Variants in MYH10 observed in about 807,000 individuals in gnomAD.
MYH10 encodes the protein myosin-10.
In MYH10, 55 loss-of-function variants were observed where a neutral mutation model predicts 257.8. The ratio of observed to expected loss-of-function variants is 0.21; its 90% CI spans 0.17 to 0.27. MYH10 has a LOEUF of 0.27. MYH10 is among the 10% of genes least tolerant of loss of function. MYH10 has a pLI of 1.00. For missense variants in MYH10, 1,631 were observed against 2,500.6 expected (o/e 0.65, Z 7.42); for synonymous variants, 854 against 921.7 (o/e 0.93, Z 1.33).
At chr17:8,590,597 C>T (rs1235102565) in intron 3 of MYH10, among the ~76,000 whole-genome samples, 1 of 152,166 alleles carries the variant, frequency 6.6e-6, no homozygotes, top group Non-Finnish European at 1.5e-5. Context: ...CAGGTGTGAG[C>T]CATGGCACCC....
At position 8,576,595 on chromosome 17, in the gene MYH10, A is replaced by T. The variant is rs899551323; in HGVS notation, c.663+48T>A. 7.2e-6 allele frequency: 11 copies of T among 1,525,886 alleles called. No homozygotes were observed. In the African/African-American group the frequency reaches 1.2e-4, roughly 17 times the overall value. The allele number at this position is 1,525,886 out of a possible 1,614,324, so 94.5% of individuals were successfully genotyped here. ...AGCAGAGACTCAATCTACAGACAGA[A>T]ATTAGTGCAAACACTCAAGACTAAG... On this transcript the variant is annotated intron_variant, in intron 6 of 42. Transcript: ENST00000360416.
At chr17:8,621,690 A>G (rs2085473540) in intron 2 of MYH10, among the ~76,000 whole-genome samples, 1 of 152,136 alleles carries the variant, frequency 6.6e-6, no homozygotes, top group South Asian at 2.1e-4. Context: ...TACCTCATAG[A>G]GAAGAAAATA....
chr17:8,565,562 T>C (rs1043944509), intron 7 of MYH10, among the ~76,000 whole-genome samples: 1 of 152,250 alleles, frequency 6.6e-6, no homozygotes, highest in Non-Finnish European at 1.5e-5. Flanking sequence ...AATTTAAAGA[T>C]ATCTCTGTTT....
chr17:8,521,675 C>G (rs955685657), intron 17 of MYH10, among the ~76,000 whole-genome samples: 1 of 152,156 alleles, frequency 6.6e-6, no homozygotes, highest in South Asian at 2.1e-4. Context: ...GGAAATGGCT[C>G]ATAAAAATAT....
chr17:8,515,067 C>T (rs2081421409), intron 21 of MYH10, among the ~76,000 whole-genome samples: 1 of 152,120 alleles, frequency 6.6e-6, no homozygotes, highest in Non-Finnish European at 1.5e-5. Context: ...GATCATGGCC[C>T]AGGCATTTTT....
At position 8,612,854 on chromosome 17, in the gene MYH10, C is replaced by CAA. The variant is rs540861293; in HGVS notation, c.346-7874_346-7873dup. On this transcript the variant is annotated intron_variant, in intron 2 of 42. Transcript: ENST00000360416. Reference sequence around the variant, plus strand: ...TACAGAGGGAGACTCTGTTCTGTCTCAAAAAAAAAAAAAAATTATCATAGG... The same window carrying CAA: ...TACAGAGGGAGACTCTGTTCTGTCTCAAAAAAAAAAAAAAAAATTATCATAGG... 5.3e-3 allele frequency among the ~76,000 whole-genome samples: 597 copies of CAA among 113,334 alleles called. 1 individual carries two copies. Among genetic ancestry groups the CAA allele is most frequent in the African/African-American group, 0.012 (352 of 30,414 alleles). 74.4% of individuals were successfully genotyped at this position (113,334 alleles called of 152,430 possible).
At chr17:8,566,442 GC>G (rs1414018703) in intron 7 of MYH10, among the ~76,000 whole-genome samples, 1 of 152,098 alleles carries the variant, frequency 6.6e-6, no homozygotes. Context: ...GGAGAAGCTG[GC>G]TGCCATGTCA....
intron 3 of MYH10, among the ~76,000 whole-genome samples, chr17:8,600,885 G>A (rs750913321): frequency 2.6e-5 from 4 of 152,078 alleles, no homozygotes; most frequent in Non-Finnish European, 4.4e-5. Flanking sequence ...GCCAAGTCTC[G>A]GTTAAAGCTT....
At chr17:8,574,932 C>T (rs141397284) in intron 6 of MYH10, among the ~76,000 whole-genome samples, 7 of 152,324 alleles carry the variant, frequency 4.6e-5, no homozygotes, top group African/African-American at 9.6e-5. Context: ...AAGTATTTCA[C>T]GTTCCTCAGT....
At chr17:8,484,339 T>C (rs963779539) in intron 36 of MYH10, 73 bp from the exon 37 acceptor site, 27 of 1,463,968 alleles carry the variant, frequency 1.8e-5, no homozygotes, top group Non-Finnish European at 2.2e-5. Flanking sequence ...TTTTTAGAGA[T>C]GAGCCCTGGC....
chr17:8,505,487 T>G (rs2081046759), intron 27 of MYH10, among the ~76,000 whole-genome samples: 1 of 152,206 alleles, frequency 6.6e-6, no homozygotes, highest in African/African-American at 2.4e-5. Flanking sequence ...TCTTGAAAGA[T>G]TTTGATTGTA....
rs1239143479 is a variant in MYH10 at position 8,475,235 on chromosome 17, C to A, written c.*569G>T. ...ACCCCAAATGGGTGTTGCTTCCGATCCAGCCCACCCCTCCTACTCTTTCCA... is the reference window on the plus strand; with the variant it reads ...ACCCCAAATGGGTGTTGCTTCCGATACAGCCCACCCCTCCTACTCTTTCCA... On this transcript the variant is annotated 3_prime_UTR_variant, in exon 43 of 43. Transcript: ENST00000360416. The A allele has an allele frequency of 6.5e-6, 1 of 153,030 alleles. No individual in the cohort carries two copies. Among genetic ancestry groups the A allele is most frequent in the Non-Finnish European group, 1.5e-5 (1 of 68,648 alleles). The allele number at this position is 153,030 out of a possible 1,614,324, so 9.5% of individuals were successfully genotyped here.
chr17:8,487,443 C>T lies in MYH10; in HGVS notation c.5036G>A (p.Arg1679His), dbSNP rs1915051888. ...KARDEVIKQL[R>H]KLQAQMKDYQ... The stretch of plus-strand genomic sequence containing the variant: ...GGTGAAGGCACATACCTGGAGCTTG[C>T]GGAGCTGCTTAATCACCTCATCCCG... The change falls in exon 36 of 43, where the codon CGC becomes CAC. Residue 1679 changes from arginine to histidine, a missense_variant. By Grantham distance (29) the Arg-to-His change is conservative (BLOSUM62 0). Around this residue, in one of 11 missense-constraint regions of MYH10, gnomAD observed 463 missense variants for 621.8 expected, o/e 0.74. Transcript: ENST00000360416. 1.9e-6 allele frequency: 3 copies of T among 1,614,156 alleles called. No homozygotes were observed. The highest frequency in any genetic ancestry group is 1.3e-5 in the African/African-American group (1 of 75,068).
intron 1 of MYH10, among the ~76,000 whole-genome samples, chr17:8,625,826 C>A (rs2085654101): frequency 6.6e-6 from 1 of 152,182 alleles, no homozygotes; most frequent in South Asian, 2.1e-4. Flanking sequence ...GATGCTGCTG[C>A]CACTGCTGGT....
intron 7 of MYH10, among the ~76,000 whole-genome samples, chr17:8,566,646 G>C (rs145612360): frequency 6.6e-6 from 1 of 152,070 alleles, no homozygotes; most frequent in African/African-American, 2.4e-5. Context: ...GACCTCCTAA[G>C]AGACCCTGGG....
rs1336387130 is a variant in MYH10, at chr17:8,511,071, T to TATATATATAC, written c.2953-1123_2953-1122insGTATATATAT. On this transcript the variant is annotated intron_variant, in intron 24 of 42. Coordinates refer to ENST00000360416, the MANE Select transcript of MYH10 (RefSeq NM_001256012.3). The stretch of plus-strand genomic sequence containing the variant: ...ATATATATATATATACACACATACA[T>TATATATATAC]ACATACACACACACACACTTAATAT... 148 of 81,988 alleles carry TATATATATAC rather than the reference T, an allele frequency of 1.8e-3. 2 individuals carry two copies. The highest frequency in any genetic ancestry group is 3.2e-3 in the South Asian group (8 of 2,512). The allele number at this position is 81,988 out of a possible 1,614,324, so 5.1% of individuals were successfully genotyped here.
intron 2 of MYH10, among the ~76,000 whole-genome samples, chr17:8,606,393 C>T (rs2084808490): frequency 6.6e-6 from 1 of 152,152 alleles, no homozygotes; most frequent in African/African-American, 2.4e-5. Flanking sequence ...CATTATGAAA[C>T]AGATCTTTTA....
intron 5 of MYH10, among the ~76,000 whole-genome samples, chr17:8,576,874 T>C (rs1313729760): frequency 6.6e-6 from 1 of 152,236 alleles, no homozygotes; most frequent in Non-Finnish European, 1.5e-5. Flanking sequence ...TTGCCCTTTT[T>C]CTGTCATCAC....
chr17:8,543,853 C>A (rs1466730476), intron 13 of MYH10, among the ~76,000 whole-genome samples: 1 of 152,166 alleles, frequency 6.6e-6, no homozygotes, highest in Non-Finnish European at 1.5e-5. Flanking sequence ...ATTTTTAAAT[C>A]AATAATGCAT....
Sources: gnomAD v4.1 joint callset for allele counts (sites outside exome capture counted in the v4.1 genomes callset) on GRCh38, gnomAD v4.1.1 for gene constraint, gnomAD v4.1.1 regional missense constraint, MANE v1.5 for transcripts, NCBI Gene and HGNC (gene_info 2026-07-23, HGNC 2026-07-21) for gene names.